Variants in TENM4 observed in about 807,000 individuals in gnomAD.
The protein encoded by TENM4 is teneurin-4.
A neutral mutation model predicts 243.3 loss-of-function variants in TENM4; 82 were observed. The observed-to-expected ratio is 0.34, with a 90% CI of 0.28 to 0.40. The LOEUF (loss-of-function observed/expected upper bound fraction) is 0.40. TENM4 is among the 10% of genes least tolerant of loss of function. The pLI is 1.00. For missense variants in TENM4, 3,138 were observed against 3,673.3 expected (o/e 0.85, Z 3.77); for synonymous variants, 1,412 against 1,456.3 (o/e 0.97, Z 0.69).
At chr11:79,066,610 A>T (rs563658365) in intron 5 of TENM4, among the ~76,000 whole-genome samples, 1 of 151,922 alleles carries the variant, frequency 6.6e-6, no homozygotes, top group Non-Finnish European at 1.5e-5. Flanking sequence ...ACGCGCGTGC[A>T]CACACACGTG....
At chr11:79,062,704 G>A (rs1860134298) in intron 6 of TENM4, among the ~76,000 whole-genome samples, 1 of 152,118 alleles carries the variant, frequency 6.6e-6, no homozygotes, top group Non-Finnish European at 1.5e-5. Context: ...AGGAAACTGA[G>A]GTCCCAAGAA....
intron 1 of TENM4, among the ~76,000 whole-genome samples, chr11:79,436,415 G>A (rs1389553857): frequency 6.6e-6 from 1 of 152,116 alleles, no homozygotes; most frequent in Non-Finnish European, 1.5e-5. Flanking sequence ...GGAGAGGACT[G>A]AAGCTCCAAA....
chr11:79,015,396 A>C (rs1226803721), intron 6 of TENM4, among the ~76,000 whole-genome samples: 1 of 151,966 alleles, frequency 6.6e-6, no homozygotes, highest in Non-Finnish European at 1.5e-5. Context: ...GCTAGAGGCC[A>C]CCTCTTTCCA....
intron 4 of TENM4, among the ~76,000 whole-genome samples, chr11:79,108,611 C>G (rs955725009): frequency 6.6e-6 from 1 of 152,052 alleles, no homozygotes; most frequent in Non-Finnish European, 1.5e-5. Flanking sequence ...ACCAACTCAC[C>G]AAAATTAGCA....
chr11:79,254,230 A>G (rs559668051), intron 2 of TENM4, among the ~76,000 whole-genome samples: 191 of 152,314 alleles, frequency 1.3e-3, no homozygotes, highest in African/African-American at 4.3e-3. Context: ...GGCATATGTC[A>G]CAGCAAAAAA....
At chr11:79,193,568 T>C (rs1253165601) in intron 3 of TENM4, among the ~76,000 whole-genome samples, 7 of 151,892 alleles carry the variant, frequency 4.6e-5, no homozygotes, top group African/African-American at 1.2e-4. Flanking sequence ...GAGTGACGAG[T>C]TGGGCTGGAT....
chr11:79,423,864 A>G (rs540189056), intron 1 of TENM4, among the ~76,000 whole-genome samples: 1 of 152,132 alleles, frequency 6.6e-6, no homozygotes, highest in East Asian at 1.9e-4. Context: ...CTTTTGGAAA[A>G]TATGTTCTCA....
chr11:79,306,729 G>C (rs1330832958), intron 1 of TENM4, among the ~76,000 whole-genome samples: 3 of 152,074 alleles, frequency 2.0e-5, no homozygotes, highest in Non-Finnish European at 4.4e-5. Flanking sequence ...TTATCACCAT[G>C]CCCATTTACA....
At chr11:79,022,102 C>T (rs1210471997) in intron 6 of TENM4, among the ~76,000 whole-genome samples, 1 of 152,154 alleles carries the variant, frequency 6.6e-6, no homozygotes, top group Non-Finnish European at 1.5e-5. Context: ...TTAGGGAGGT[C>T]CAATCACCTT....
At chr11:79,123,871 A>C (rs1861801770) in intron 4 of TENM4, among the ~76,000 whole-genome samples, 1 of 152,216 alleles carries the variant, frequency 6.6e-6, no homozygotes, top group South Asian at 2.1e-4. Flanking sequence ...AGGCCTTCTC[A>C]GAGCCTTTAG....
At chr11:79,127,844 G>A (rs1266287326) in intron 4 of TENM4, among the ~76,000 whole-genome samples, 1 of 152,232 alleles carries the variant, frequency 6.6e-6, no homozygotes, top group African/African-American at 2.4e-5. Context: ...TAGGAGTCCA[G>A]TGGTATGGGG....
rs1031426942 is a variant in TENM4, at chr11:78,698,892, G to T, written c.5087+2634C>A. On this transcript the variant is annotated intron_variant, in intron 28 of 33. Transcript: ENST00000278550. ...ACCATTTTGCCTTGGGTGGCTCTGC[G>T]TGTTATTTTCCAGCCGACTTTGGAT... Among the ~76,000 whole-genome samples, 6 of 152,258 alleles carry T rather than the reference G, an allele frequency of 3.9e-5. No individual in the cohort carries two copies. In the South Asian group the frequency reaches 6.2e-4, roughly 16 times the overall value.
chr11:79,049,921 A>G (rs1859754316), intron 6 of TENM4, among the ~76,000 whole-genome samples: 2 of 152,244 alleles, frequency 1.3e-5, no homozygotes, highest in Non-Finnish European at 2.9e-5. Flanking sequence ...ACTTTGTCCC[A>G]TGAACCTTTT....
At chr11:79,379,295 A>G (rs1407938756) in intron 1 of TENM4, among the ~76,000 whole-genome samples, 1 of 152,136 alleles carries the variant, frequency 6.6e-6, no homozygotes, top group Non-Finnish European at 1.5e-5. Context: ...GTCAGGCCTG[A>G]GTTGTTTAAG....
intron 2 of TENM4, among the ~76,000 whole-genome samples, chr11:79,228,311 G>C (rs1166995793): frequency 6.6e-6 from 1 of 152,160 alleles, no homozygotes; most frequent in Non-Finnish European, 1.5e-5. Flanking sequence ...CTTCTGCTCA[G>C]GCCCTTGTCA....
chr11:79,148,015 T>C (rs1252538269), intron 4 of TENM4, among the ~76,000 whole-genome samples: 3 of 152,034 alleles, frequency 2.0e-5, no homozygotes, highest in Non-Finnish European at 4.4e-5. Flanking sequence ...AAGCTCAGAA[T>C]GATGAAGTGA....
intron 6 of TENM4, among the ~76,000 whole-genome samples, chr11:79,049,180 G>A (rs1347954921): frequency 1.3e-5 from 2 of 152,136 alleles, no homozygotes; most frequent in Non-Finnish European, 2.9e-5. Context: ...TCACTGGGCA[G>A]CACAATTCCC....
chr11:79,054,751 T>C (rs963802706), intron 6 of TENM4, among the ~76,000 whole-genome samples: 2 of 152,084 alleles, frequency 1.3e-5, no homozygotes, highest in Non-Finnish European at 2.9e-5. Context: ...TGGCCCCCAG[T>C]TACCATCTTT....
chr11:78,817,167 G>T (rs1308948291), intron 12 of TENM4, among the ~76,000 whole-genome samples: 1 of 152,216 alleles, frequency 6.6e-6, no homozygotes, highest in African/African-American at 2.4e-5. Context: ...GCAGAGGGAA[G>T]GCTTCTCAGA....
Sources: allele counts gnomAD v4.1 joint callset (sites outside exome capture counted in the v4.1 genomes callset), GRCh38; gene constraint gnomAD v4.1.1; transcripts MANE v1.5; gene names NCBI Gene and HGNC (gene_info 2026-07-23, HGNC 2026-07-21).